Variants in RAB4A observed in about 807,000 individuals in gnomAD.
The protein encoded by RAB4A is ras-related protein Rab-4A.
Under a neutral mutation model 34.5 loss-of-function variants are expected in RAB4A, and 20 were observed. The observed-to-expected ratio is 0.58, with a 90% CI of 0.41 to 0.84. The LOEUF (loss-of-function observed/expected upper bound fraction) is 0.84. Ranked by LOEUF, RAB4A falls within the 40% of genes least tolerant of loss-of-function variation. The pLI is 0.00. For missense variants in RAB4A, 228 were observed against 274.5 expected (o/e 0.83, Z 1.20); for synonymous variants, 102 against 100.0 (o/e 1.02, Z -0.12).
intron 5 of RAB4A, among the ~76,000 whole-genome samples, 154 bp downstream of exon 5, chr1:229,297,790 T>G (rs1205261472): frequency 2.0e-5 from 3 of 152,242 alleles, no homozygotes; most frequent in African/African-American, 7.2e-5. Context: ...ATTAGACCTA[T>G]TAAGCATATT....
rs1412609427 is a variant in RAB4A, at chr1:229,304,365, C to T, written c.*572C>T. The T allele has an allele frequency of 6.6e-6, 1 of 152,062 alleles. No homozygotes were observed. The highest frequency in any genetic ancestry group is 1.5e-5 in the Non-Finnish European group (1 of 68,024). The allele number at this position is 152,062 out of a possible 1,614,324, so 9.4% of individuals were successfully genotyped here. On this transcript the variant is annotated 3_prime_UTR_variant, in exon 8 of 8. Coordinates refer to ENST00000366690, the MANE Select transcript of RAB4A (RefSeq NM_004578.4). ...TTGAAATACTAGATCAGTAGACATT[C>T]ACTAATATACCAAAATAAAATGAAA...
chr1:229,290,186 A>G (rs1657031380), intron 3 of RAB4A, among the ~76,000 whole-genome samples: 1 of 152,246 alleles, frequency 6.6e-6, no homozygotes, highest in Non-Finnish European at 1.5e-5. Context: ...TACAGGAGGT[A>G]GAGGTTACAG....
chr1:229,305,870 C>G lies in RAB4A; in HGVS notation c.*2077C>G, dbSNP rs987509190. The G allele has an allele frequency of 4.6e-5, 7 of 152,158 alleles. No individual in the cohort carries two copies. The highest frequency in any genetic ancestry group is 7.2e-5 in the African/African-American group (3 of 41,430). The allele number at this position is 152,158 out of a possible 1,614,324, so 9.4% of individuals were successfully genotyped here. A position where few individuals can be genotyped will look rare whatever the true frequency, so the allele number is the denominator to read the frequency against. On this transcript the variant is annotated 3_prime_UTR_variant, in exon 8 of 8. Transcript: ENST00000366690. Reference sequence around the variant, plus strand: ...AGATCAATAATAGTATTTAAAGAATCTGATGCTAAAATTAGAAACCTAAAT... The same window carrying G: ...AGATCAATAATAGTATTTAAAGAATGTGATGCTAAAATTAGAAACCTAAAT...
intron 1 of RAB4A, among the ~76,000 whole-genome samples, chr1:229,276,384 C>T (rs1656650553): frequency 6.6e-6 from 1 of 151,426 alleles, no homozygotes; most frequent in Admixed American, 6.5e-5. Context: ...AATATTCTTT[C>T]TCATGGTCAT....
At chr1:229,297,879 A>G (rs1657288866) in intron 5 of RAB4A, among the ~76,000 whole-genome samples, 1 of 152,224 alleles carries the variant, frequency 6.6e-6, no homozygotes. Context: ...ATGACTTTTC[A>G]GTCTAGGGTC....
chr1:229,302,076 T>C (rs1412120453), intron 6 of RAB4A, among the ~76,000 whole-genome samples: 1 of 151,176 alleles, frequency 6.6e-6, no homozygotes, highest in Non-Finnish European at 1.5e-5. Context: ...TGGAAATATT[T>C]CAAAATCTGA....
At chr1:229,285,808 T>C (rs1282134707) in intron 1 of RAB4A, among the ~76,000 whole-genome samples, 1 of 152,272 alleles carries the variant, frequency 6.6e-6, no homozygotes, top group Non-Finnish European at 1.5e-5. Context: ...TGATACTACA[T>C]CATGCTAATT....
intron 3 of RAB4A, among the ~76,000 whole-genome samples, chr1:229,294,453 G>A (rs754593938): frequency 6.6e-6 from 1 of 152,234 alleles, no homozygotes; most frequent in Non-Finnish European, 1.5e-5. Context: ...AGAGAGGGTG[G>A]GGACCTTGAC....
In RAB4A at chr1:229,298,999, T is replaced by G; in HGVS notation, c.468T>G (p.Ser156Arg). 1 of 1,610,146 alleles carries G rather than the reference T, an allele frequency of 6.2e-7. No individual in the cohort carries two copies. Among genetic ancestry groups the G allele is most frequent in the Non-Finnish European group, 8.5e-7 (1 of 1,179,170 alleles). ...QENELMFLET[S>R]ALTGENVEEA... is the part of the protein sequence containing the mutation. Reference sequence around the variant, plus strand: ...TAGAGCTGATGTTTTTGGAAACAAGTGCGCTCACAGGGGAGAATGTAGAAG... The same window carrying G: ...TAGAGCTGATGTTTTTGGAAACAAGGGCGCTCACAGGGGAGAATGTAGAAG... Residue 156 changes from serine to arginine, a missense_variant, in exon 6 of 8, where the codon AGT (serine) becomes AGG (arginine). Transcript: ENST00000366690.
intron 3 of RAB4A, among the ~76,000 whole-genome samples, chr1:229,291,875 T>C (rs1657095493): frequency 6.6e-6 from 1 of 152,136 alleles, no homozygotes; most frequent in African/African-American, 2.4e-5. Flanking sequence ...CACCATGGAA[T>C]ACTATGCAGC....
At chr1:229,280,132 A>G (rs914267094) in intron 1 of RAB4A, among the ~76,000 whole-genome samples, 13 of 152,234 alleles carry the variant, frequency 8.5e-5, no homozygotes, top group Admixed American at 7.2e-4. Flanking sequence ...AAAAAACCAC[A>G]GATTAAAAAT....
At chr1:229,300,476 G>A (rs1281663234) in intron 6 of RAB4A, among the ~76,000 whole-genome samples, 1 of 152,184 alleles carries the variant, frequency 6.6e-6, no homozygotes, top group Admixed American at 6.5e-5. Flanking sequence ...TATTTAGGCA[G>A]TAGCATCTTA....
chr1:229,297,207 T>C (rs568942091), intron 4 of RAB4A, among the ~76,000 whole-genome samples: 1 of 152,364 alleles, frequency 6.6e-6, no homozygotes, highest in East Asian at 1.9e-4. Context: ...TATTTGTCAA[T>C]TGAATGAAGG....
chr1:229,302,254 T>A (rs2102680336), intron 6 of RAB4A, among the ~76,000 whole-genome samples: 1 of 89,160 alleles, frequency 1.1e-5, no homozygotes, highest in East Asian at 3.5e-4. Context: ...TTACAGTAAA[T>A]AATTATATAT....
In RAB4A at chr1:229,303,824, T is replaced by G. The variant is rs763492541; in HGVS notation, c.*31T>G. 27 of 152,244 alleles carry G rather than the reference T, an allele frequency of 1.8e-4. No homozygotes were observed. The highest frequency in any genetic ancestry group is 3.3e-4 in the Admixed American group (5 of 15,286). The allele number at this position is 152,244 out of a possible 1,614,324, so 9.4% of individuals were successfully genotyped here. A position where few individuals can be genotyped will look rare whatever the true frequency, so the allele number is the denominator to read the frequency against. On this transcript the variant is annotated 3_prime_UTR_variant, in exon 8 of 8. Coordinates refer to ENST00000366690, the MANE Select transcript of RAB4A (RefSeq NM_004578.4). ...TTTTTAGGTGTTCATACAGTGGCAT[T>G]TGGGACACAATCGTTGGAACCTGAA... is the stretch of plus-strand genomic sequence containing the variant.
Position 229,297,552 on chromosome 1 carries a change from A to G in RAB4A, c.361A>G (p.Ile121Val), listed in dbSNP as rs1193866538. 2.5e-5 allele frequency: 41 copies of G among 1,613,392 alleles called. No individual in the cohort carries two copies. The highest frequency in any genetic ancestry group is 3.4e-5 in the Non-Finnish European group (40 of 1,179,986). The change falls in exon 5 of 8, where the codon ATC becomes GTC. Residue 121 changes from isoleucine (I) to valine (V), a missense_variant. Coordinates refer to ENST00000366690, the MANE Select transcript of RAB4A (RefSeq NM_004578.4). ...ARMLASQNIV[I>V]ILCGNKKDLD... ...AATGCTAGCGAGCCAGAACATTGTG[A>G]TCATCCTTTGTGGAAACAAGAAGGA...
At chr1:229,295,143 G>T in intron 3 of RAB4A, among the ~76,000 whole-genome samples, 1 of 151,746 alleles carries the variant, frequency 6.6e-6, no homozygotes, top group East Asian at 1.9e-4. Context: ...GTAGAGACAG[G>T]GTCTCTCTCT....
rs1466938411 is a variant in RAB4A at position 229,303,808 on chromosome 1, G to A, written c.*15G>A. 6.6e-6 allele frequency: 1 copy of A among 152,172 alleles called. No homozygotes were observed. The highest frequency in any genetic ancestry group is 1.5e-5 in the Non-Finnish European group (1 of 68,038). 9.4% of individuals were successfully genotyped at this position (152,172 alleles called of 1,614,324 possible). On this transcript the variant is annotated splice_region_variant and 3_prime_UTR_variant, in exon 8 of 8. Transcript: ENST00000366690. ...AAATTGTTCTTAATATTTTTTAGGT[G>A]TTCATACAGTGGCATTTGGGACACA...
chr1:229,274,121 C>T (rs564833297), intron 1 of RAB4A, among the ~76,000 whole-genome samples: 4 of 146,236 alleles, frequency 2.7e-5, no homozygotes, highest in South Asian at 4.4e-4. Flanking sequence ...GACACAATCA[C>T]GGCTCACTGC....
Sources: gnomAD v4.1 joint callset for allele counts (sites outside exome capture counted in the v4.1 genomes callset) on GRCh38, gnomAD v4.1.1 for gene constraint, MANE v1.5 for transcripts, NCBI Gene and HGNC (gene_info 2026-07-23, HGNC 2026-07-21) for gene names.